Variants in AOX1 observed in about 807,000 individuals in gnomAD.
The protein encoded by AOX1 is aldehyde oxidase 1.
A neutral mutation model predicts 169.5 loss-of-function variants in AOX1; 153 were observed. The observed-to-expected ratio is 0.90, with a 90% CI of 0.79 to 1.03. The LOEUF (loss-of-function observed/expected upper bound fraction) is 1.03. AOX1 is among the 50% of genes least tolerant of loss of function. The probability of loss-of-function intolerance (pLI) is 0.00; values close to 1 mark genes in which losing one functional copy is unlikely to be tolerated. For missense variants in AOX1, 1,656 were observed against 1,663.9 expected, an observed-to-expected ratio of 1.00 and a Z score of 0.08; for synonymous variants, 562 against 581.9, an observed-to-expected ratio of 0.97 and a Z score of 0.49.
chr2:200,659,189 C>T lies in AOX1; in HGVS notation c.3196C>T (p.Pro1066Ser), dbSNP rs777368529. 1 of 1,613,662 alleles carries T rather than the reference C, an allele frequency of 6.2e-7. No individual in the cohort carries two copies. The highest frequency in any genetic ancestry group is 8.5e-7 in the Non-Finnish European group (1 of 1,179,806). The change falls in exon 28 of 35, where the codon CCA becomes TCA. Residue 1066 changes from proline (P) to serine (S), a missense_variant. Pro to Ser is a moderately conservative substitution (Grantham distance 74). Coordinates refer to ENST00000374700, the MANE Select transcript of AOX1 (RefSeq NM_001159.4). ...GGTGGTCAGCCGTGAATTAAGAATG[C>T]CAATGTCGAATGTCCACCTGCGTGG... ...IQVVSRELRM[P>S]MSNVHLRGTS...
intron 27 of AOX1, among the ~76,000 whole-genome samples, chr2:200,657,150 T>G: frequency 9.2e-6 from 1 of 108,436 alleles, no homozygotes; most frequent in African/African-American, 3.3e-5. Flanking sequence ...ATAGGGAGAT[T>G]CCATCTCTAC....
Position 200,661,589 on chromosome 2 carries a change from C to T in AOX1, c.3386C>T (p.Ala1129Val). The T allele has an allele frequency of 1.9e-6, 3 of 1,613,374 alleles. No homozygotes were observed. The highest frequency in any genetic ancestry group is 2.5e-6 in the Non-Finnish European group (3 of 1,179,462). The change falls in exon 30 of 35, where the codon GCT (alanine) becomes GTT (valine). Residue 1129 changes from alanine (A) to valine (V), a missense_variant. By Grantham distance (64) the Ala-to-Val change is moderately conservative (BLOSUM62 0). Coordinates refer to ENST00000374700, the MANE Select transcript of AOX1 (RefSeq NM_001159.4). ...KGTWKDWAQT[A>V]FDESINLSAV... ...GCTCTTCCTTCACAGGCACAGACTG[C>T]TTTTGATGAAAGCATTAACCTTTCA...
chr2:200,644,432 A>C (rs1192852847), intron 25 of AOX1, among the ~76,000 whole-genome samples: 4 of 152,154 alleles, frequency 2.6e-5, no homozygotes, highest in Non-Finnish European at 5.9e-5. Flanking sequence ...ATACACTACT[A>C]CACCATTTTG....
At chr2:200,600,611 C>CT in intron 5 of AOX1, among the ~76,000 whole-genome samples, 1 of 152,134 alleles carries the variant, frequency 6.6e-6, no homozygotes, top group Non-Finnish European at 1.5e-5. Context: ...CATTTCTCTG[C>CT]TAGAGAACAT....
Position 200,638,240 on chromosome 2 carries a change from C to T in AOX1, c.2506C>T (p.Leu836=), listed in dbSNP as rs772632290. The change falls in exon 23 of 35, where the codon CTG becomes TTG. Residue 836 remains leucine, a synonymous_variant. Transcript: ENST00000374700. The part of the protein sequence containing the change: ...NKHGRAVRCV[L]ERGEDMLITG... ...ACATGGCCGTGCAGTTCGCTGTGTT[C>T]TGGAACGAGGAGAAGACATGTTAAT... The T allele has an allele frequency of 1.2e-6, 2 of 1,613,596 alleles. No individual in the cohort carries two copies. The highest frequency in any genetic ancestry group is 2.2e-5 in the South Asian group (2 of 91,060).
intron 31 of AOX1, among the ~76,000 whole-genome samples, chr2:200,663,572 ACTCTCT>A (rs1226325589): frequency 5.7e-5 from 6 of 105,152 alleles, no homozygotes; most frequent in African/African-American, 1.1e-4. Flanking sequence ...ACACACACAC[ACTCTCT>A]CTCTCTCTCT....
intron 19 of AOX1, 87 bp from the exon 20 acceptor site, chr2:200,627,266 G>T: frequency 1.2e-6 from 1 of 844,568 alleles, no homozygotes; most frequent in Non-Finnish European, 2.0e-6. Context: ...AACAACCCCT[G>T]CTCAGAGGAT....
chr2:200,610,364 G>A (rs945011135), intron 12 of AOX1, among the ~76,000 whole-genome samples: 2 of 152,150 alleles, frequency 1.3e-5, no homozygotes, highest in Admixed American at 1.3e-4. Flanking sequence ...GAGCCACAGT[G>A]CTTGGTCACA....
intron 19 of AOX1, among the ~76,000 whole-genome samples, chr2:200,626,786 T>C (rs1391707423): frequency 6.6e-6 from 1 of 152,228 alleles, no homozygotes; most frequent in East Asian, 1.9e-4. Flanking sequence ...ACTAGAGTCT[T>C]TTCAACTAGC....
At chr2:200,587,956 C>T (rs1196110580) in intron 1 of AOX1, among the ~76,000 whole-genome samples, 34 of 152,116 alleles carry the variant, frequency 2.2e-4, no homozygotes. Context: ...AGTCAGTGTT[C>T]CAGGCTTATG....
intron 5 of AOX1, among the ~76,000 whole-genome samples, chr2:200,601,680 C>T (rs768524504): frequency 2.0e-5 from 3 of 151,874 alleles, no homozygotes; most frequent in Non-Finnish European, 4.4e-5. Context: ...GCCTGTAATC[C>T]CAACATTTAG....
At chr2:200,627,246 T>A in intron 19 of AOX1, 107 bp from the exon 20 acceptor site, 3 of 728,926 alleles carry the variant, frequency 4.1e-6, no homozygotes, top group Non-Finnish European at 7.1e-6. Flanking sequence ...AACCACAAGG[T>A]GAAGGGAGAA....
chr2:200,644,408 A>G (rs1222270868), intron 25 of AOX1, among the ~76,000 whole-genome samples: 3 of 152,078 alleles, frequency 2.0e-5, no homozygotes, highest in African/African-American at 4.8e-5. Flanking sequence ...ACTGGTTTCT[A>G]TGTGCCTATT....
intron 16 of AOX1, 135 bp downstream of exon 16, chr2:200,616,198 T>C (rs981532242): frequency 3.2e-6 from 2 of 628,818 alleles, no homozygotes; most frequent in East Asian, 5.6e-5. Context: ...ACAGCCTCTT[T>C]ATGGGTAACT....
intron 26 of AOX1, among the ~76,000 whole-genome samples, chr2:200,652,923 G>T (rs550051928): frequency 1.1e-4 from 16 of 152,268 alleles, no homozygotes; most frequent in African/African-American, 3.6e-4. Flanking sequence ...AATAATAATA[G>T]TGACAATTAC....
intron 1 of AOX1, among the ~76,000 whole-genome samples, chr2:200,590,510 T>A (rs1241020932): frequency 2.0e-5 from 3 of 152,098 alleles, no homozygotes; most frequent in Non-Finnish European, 4.4e-5. Context: ...CAGGACAAGA[T>A]GCGTGCTAGA....
rs924496696 is a variant in AOX1 at position 200,642,768 on chromosome 2, A to G, written c.2814A>G (p.Glu938=). The part of the protein sequence containing the change: ...AALITESCIT[E]VAAKCGLSPE... ...TGATCACCGAATCTTGTATCACGGA[A>G]GTTGCAGCCAAATGTGGACTATCCC... Residue 938 remains glutamate (E), a synonymous_variant, in exon 25 of 35, where the codon GAA becomes GAG. Transcript: ENST00000374700. The G allele has an allele frequency of 2.5e-6, 4 of 1,613,854 alleles. No homozygotes were observed. The highest frequency in any genetic ancestry group is 3.4e-6 in the Non-Finnish European group (4 of 1,179,874).
chr2:200,677,887 C>A (rs190642311), downstream of AOX1, among the ~76,000 whole-genome samples: 160 of 152,326 alleles, frequency 1.1e-3, no homozygotes, highest in Middle Eastern at 3.4e-3. Context: ...GCACACTCCA[C>A]GTGCGGCTAT....
chr2:200,647,524 T>C (rs2035481040), intron 25 of AOX1, among the ~76,000 whole-genome samples: 1 of 152,216 alleles, frequency 6.6e-6, no homozygotes, highest in Non-Finnish European at 1.5e-5. Flanking sequence ...TAAGATTCTT[T>C]CCTTCATCTT....
Sources: gnomAD v4.1 joint callset for allele counts (sites outside exome capture counted in the v4.1 genomes callset) on GRCh38, gnomAD v4.1.1 for gene constraint, MANE v1.5 for transcripts, NCBI Gene and HGNC (gene_info 2026-07-23, HGNC 2026-07-21) for gene names.